Variants in RAD50 observed in about 807,000 individuals in gnomAD.
RAD50 encodes DNA repair protein RAD50.
Under a neutral mutation model 168.8 loss-of-function variants are expected in RAD50, and 132 were observed. The observed-to-expected ratio is 0.78, with a 90% confidence interval of 0.68 to 0.90. RAD50 has a LOEUF of 0.90. Ranked by LOEUF, RAD50 falls within the 40% of genes least tolerant of loss-of-function variation. The probability of loss-of-function intolerance (pLI) is 0.00; values close to 1 mark genes in which losing one functional copy is unlikely to be tolerated. For synonymous variants in RAD50, 525 were observed against 497.4 expected, an observed-to-expected ratio of 1.06 and a Z score of -0.74; for missense variants, 1,347 against 1,534.4, an observed-to-expected ratio of 0.88 and a Z score of 2.04.
rs2149837828 is a variant in RAD50 at position 132,579,511 on chromosome 5, C to A, written c.551+9C>A. 6.2e-7 allele frequency: 1 copy of A among 1,606,698 alleles called. No individual in the cohort carries two copies. Among genetic ancestry groups the A allele is most frequent in the South Asian group, 1.1e-5 (1 of 90,822 alleles). On this transcript the variant is annotated intron_variant, in intron 4 of 24. Coordinates refer to ENST00000378823, the MANE Select transcript of RAD50 (RefSeq NM_005732.4). ...ATTTTTTCAGCAACAAGGTTTGTAA[C>A]CCTTAAATAGACTTTGTAGTCCATT...
intron 16 of RAD50, among the ~76,000 whole-genome samples, chr5:132,608,264 A>C (rs1340233444): frequency 6.6e-6 from 1 of 152,164 alleles, no homozygotes; most frequent in Non-Finnish European, 1.5e-5. Context: ...CCACACGCTA[A>C]TATAATTGGG....
intron 3 of RAD50, among the ~76,000 whole-genome samples, chr5:132,576,635 C>T (rs1233738852): frequency 2.0e-5 from 3 of 152,188 alleles, no homozygotes; most frequent in Non-Finnish European, 4.4e-5. Context: ...ACTCAAGTAT[C>T]TCTCATACCC....
chr5:132,560,851 C>G (rs1436307902), intron 2 of RAD50, among the ~76,000 whole-genome samples: 2 of 152,216 alleles, frequency 1.3e-5, no homozygotes, highest in African/African-American at 2.4e-5. Flanking sequence ...AATTTACCCT[C>G]TAGCCATTAC....
At chr5:132,578,638 T>A (rs1750444649) in intron 3 of RAD50, among the ~76,000 whole-genome samples, 1 of 150,950 alleles carries the variant, frequency 6.6e-6, no homozygotes, top group African/African-American at 2.4e-5. Flanking sequence ...GTGATTCTCT[T>A]GCCTCAGCCT....
chr5:132,625,977 A>G (rs949808068), intron 21 of RAD50, among the ~76,000 whole-genome samples: 3 of 151,642 alleles, frequency 2.0e-5, no homozygotes, highest in African/African-American at 7.3e-5. Flanking sequence ...GCTCACTGCA[A>G]CCTCCACCTC....
intron 21 of RAD50, among the ~76,000 whole-genome samples, chr5:132,621,097 T>C (rs1652555003): frequency 6.6e-6 from 1 of 152,172 alleles, no homozygotes; most frequent in African/African-American, 2.4e-5. Context: ...AGTGTTTACT[T>C]TTTAATTTTT....
At chr5:132,572,749 ACAGTTT>A (rs1254141659) in intron 2 of RAD50, among the ~76,000 whole-genome samples, 1 of 152,222 alleles carries the variant, frequency 6.6e-6, no homozygotes, top group Non-Finnish European at 1.5e-5. Context: ...AGCAGAAAGT[ACAGTTT>A]CTGTATATTC....
chr5:132,608,905 T>C (rs1473463122), intron 17 of RAD50, among the ~76,000 whole-genome samples, 180 bp downstream of exon 17: 1 of 152,226 alleles, frequency 6.6e-6, no homozygotes, highest in African/African-American at 2.4e-5. Context: ...ATGTAAATTA[T>C]TTTGCTGCTT....
chr5:132,604,550 A>G (rs1375027517), intron 15 of RAD50, among the ~76,000 whole-genome samples: 1 of 152,146 alleles, frequency 6.6e-6, no homozygotes, highest in Non-Finnish European at 1.5e-5. Flanking sequence ...TACAAGTGTG[A>G]GCCAGTGCGC....
chr5:132,604,018 A>G lies in RAD50; in HGVS notation c.2496A>G (p.Lys832=), dbSNP rs944993177. 2 of 1,613,808 alleles carry G rather than the reference A, an allele frequency of 1.2e-6. No individual in the cohort carries two copies. Among genetic ancestry groups the G allele is most frequent in the Non-Finnish European group, 1.7e-6 (2 of 1,179,782 alleles). Reference sequence around the variant, plus strand: ...CTGTCCAACAAGTCAACCAGGAGAAACAAGAGAAACAGCACAAGTTAGACA... The same window carrying G: ...CTGTCCAACAAGTCAACCAGGAGAAGCAAGAGAAACAGCACAAGTTAGACA... The part of the protein sequence containing the change: ...DRTVQQVNQE[K]QEKQHKLDTV... The change falls in exon 15 of 25, where the codon AAA becomes AAG. Residue 832 remains lysine (K), a synonymous_variant. Transcript: ENST00000378823.
intron 19 of RAD50, among the ~76,000 whole-genome samples, chr5:132,610,506 A>G (rs1382486955): frequency 6.6e-6 from 1 of 152,152 alleles, no homozygotes; most frequent in Non-Finnish European, 1.5e-5. Context: ...TAAAAACTAT[A>G]CCATTTCTCT....
At chr5:132,574,775 C>G (rs1483397477) in intron 2 of RAD50, among the ~76,000 whole-genome samples, 1 of 152,184 alleles carries the variant, frequency 6.6e-6, no homozygotes, top group Non-Finnish European at 1.5e-5. Context: ...TCATCTCTCT[C>G]AAGTTCAAAG....
Position 132,598,087 on chromosome 5 carries a change from G to A in RAD50, c.2207+2277G>A, listed in dbSNP as rs146741877. Reference sequence around the variant, plus strand: ...TTTTGAGACAGAGTTTTGCTTTGTCGCCCAGGCTGGAGTACAGTGGCGCAG... The same window carrying A: ...TTTTGAGACAGAGTTTTGCTTTGTCACCCAGGCTGGAGTACAGTGGCGCAG... On this transcript the variant is annotated intron_variant, in intron 13 of 24. Coordinates refer to ENST00000378823, the MANE Select transcript of RAD50 (RefSeq NM_005732.4). Among the ~76,000 whole-genome samples, 931 of 147,974 alleles carry A rather than the reference G, an allele frequency of 6.3e-3. 5 individuals carry two copies. The highest frequency in any genetic ancestry group is 0.022 in the African/African-American group (887 of 39,730).
chr5:132,642,946 C>G lies in RAD50; in HGVS notation c.*582C>G. ...ATGGGGTCTCAAAGTTTGACAGGAACCTTAAGTAATCATCTAAGTCAGTAC... is the reference window on the plus strand; with the variant it reads ...ATGGGGTCTCAAAGTTTGACAGGAAGCTTAAGTAATCATCTAAGTCAGTAC... On this transcript the variant is annotated 3_prime_UTR_variant, in exon 25 of 25. Transcript: ENST00000378823. 2.1e-6 allele frequency: 1 copy of G among 483,914 alleles called. No individual in the cohort carries two copies. The highest frequency in any genetic ancestry group is 4.3e-6 in the Non-Finnish European group (1 of 232,742). The allele number at this position is 483,914 out of a possible 1,614,324, so 30.0% of individuals were successfully genotyped here.
In RAD50 at chr5:132,557,015, TGC is replaced by T; in HGVS notation, c.-306_-305del. On this transcript the variant is annotated 5_prime_UTR_variant, in exon 1 of 25. Coordinates refer to ENST00000378823, the MANE Select transcript of RAD50 (RefSeq NM_005732.4). The stretch of plus-strand genomic sequence containing the variant: ...GGCGGCCGAGGCAGGAAGCTGTGAG[TGC>T]GCGGTTGCGGGGTCGCATTGTGGCT... The T allele has an allele frequency of 1.4e-6, 1 of 718,512 alleles. No individual in the cohort carries two copies. The highest frequency in any genetic ancestry group is 3.6e-5 in the East Asian group (1 of 27,722). The allele number at this position is 718,512 out of a possible 1,614,324, so 44.5% of individuals were successfully genotyped here. A position where few individuals can be genotyped will look rare whatever the true frequency, so the allele number is the denominator to read the frequency against.
In RAD50 at chr5:132,644,132, C is replaced by T. The variant is rs1442840026; in HGVS notation, c.*1768C>T. 1 of 187,176 alleles carries T rather than the reference C, an allele frequency of 5.3e-6. No individual in the cohort carries two copies. The highest frequency in any genetic ancestry group is 2.3e-5 in the African/African-American group (1 of 42,788). The allele number at this position is 187,176 out of a possible 1,614,324, so 11.6% of individuals were successfully genotyped here. A position where few individuals can be genotyped will look rare whatever the true frequency, so the allele number is the denominator to read the frequency against. On this transcript the variant is annotated 3_prime_UTR_variant, in exon 25 of 25. Transcript: ENST00000378823. ...AGCAAAGAATAACAAAGGCAATACA[C>T]GATCAATATAGGCAGTGAAACAAAA... is the stretch of plus-strand genomic sequence containing the variant.
In RAD50 at chr5:132,617,387, G is replaced by A. The variant is rs970740487; in HGVS notation, c.3165-683G>A. Among the ~76,000 whole-genome samples, 9 of 152,188 alleles carry A rather than the reference G, an allele frequency of 5.9e-5. No homozygotes were observed. In the South Asian group the frequency reaches 1.0e-3, roughly 18 times the overall value. On this transcript the variant is annotated intron_variant, in intron 20 of 24. Coordinates refer to ENST00000378823, the MANE Select transcript of RAD50 (RefSeq NM_005732.4). ...TGCCAACAAGACTTGTAATCCAGTCGACTCTGTAAGGATGCCCATAAGCTT... is the reference window on the plus strand; with the variant it reads ...TGCCAACAAGACTTGTAATCCAGTCAACTCTGTAAGGATGCCCATAAGCTT...
intron 5 of RAD50, among the ~76,000 whole-genome samples, chr5:132,582,663 G>A (rs1750523395): frequency 1.3e-5 from 2 of 152,084 alleles, no homozygotes; most frequent in African/African-American, 4.8e-5. Flanking sequence ...AATGGGAATT[G>A]CTAGAGGAAT....
In RAD50 at chr5:132,644,625, T is replaced by C. The variant is rs1751811998; in HGVS notation, c.*2261T>C. The C allele has an allele frequency of 1.1e-5, 2 of 179,716 alleles. No individual in the cohort carries two copies. The highest frequency in any genetic ancestry group is 1.8e-4 in the East Asian group (2 of 10,830). 11.1% of individuals were successfully genotyped at this position (179,716 alleles called of 1,614,324 possible). A position where few individuals can be genotyped will look rare whatever the true frequency, so the allele number is the denominator to read the frequency against. Reference sequence around the variant, plus strand: ...AGAAAAAGCTGTCTTCATTTCACTCTTGTTGCAGTTATCTTTCATTCCCAG... The same window carrying C: ...AGAAAAAGCTGTCTTCATTTCACTCCTGTTGCAGTTATCTTTCATTCCCAG... On this transcript the variant is annotated 3_prime_UTR_variant, in exon 25 of 25. Coordinates refer to ENST00000378823, the MANE Select transcript of RAD50 (RefSeq NM_005732.4).
Sources: allele counts gnomAD v4.1 joint callset (sites outside exome capture counted in the v4.1 genomes callset), GRCh38; gene constraint gnomAD v4.1.1; transcripts MANE v1.5; gene names NCBI Gene and HGNC (gene_info 2026-07-23, HGNC 2026-07-21).